SMCO4: variants seen among roughly 807,000 people sequenced by gnomAD.
SMCO4 encodes the protein single-pass membrane protein with coiled-coil domains 4, also known as single-pass membrane and coiled-coil domain-containing protein 4.
In SMCO4, 4 loss-of-function variants were observed where a neutral mutation model predicts 3.6. The observed-to-expected ratio is 1.11, with a 90% CI of 0.54 to 2.53. SMCO4 has a LOEUF of 2.53. Among genes scored for constraint, SMCO4 ranks in the 30% most tolerant of loss-of-function variants. SMCO4 has a pLI of 0.02. For synonymous variants in SMCO4, 36 were observed against 35.3 expected, an observed-to-expected ratio of 1.02 and a Z score of -0.07; for missense variants, 70 against 80.8, an observed-to-expected ratio of 0.87 and a Z score of 0.51.
At chr11:93,480,962 A>AAC (rs1257748007) in intron 2 of SMCO4, among the ~76,000 whole-genome samples, 1 of 152,244 alleles carries the variant, frequency 6.6e-6, no homozygotes, top group African/African-American at 2.4e-5. Context: ...ATCAAAAGCA[A>AAC]ACATTAAGGT....
intron 1 of SMCO4, among the ~76,000 whole-genome samples, chr11:93,501,105 C>T (rs769504027): frequency 6.6e-6 from 1 of 152,188 alleles, no homozygotes; most frequent in Non-Finnish European, 1.5e-5. Flanking sequence ...TCTCACTAGG[C>T]CTCAGTTTCT....
chr11:93,537,594 A>G (rs1949237958), intron 1 of SMCO4, among the ~76,000 whole-genome samples: 1 of 152,012 alleles, frequency 6.6e-6, no homozygotes, highest in African/African-American at 2.4e-5. Flanking sequence ...AAAGAACGAG[A>G]AAAGGGCTTT....
intron 2 of SMCO4, among the ~76,000 whole-genome samples, chr11:93,494,008 G>T (rs1948748320): frequency 6.6e-6 from 1 of 152,086 alleles, no homozygotes; most frequent in Admixed American, 6.5e-5. Context: ...TATTGATGAG[G>T]AAATTGTGAT....
chr11:93,519,871 C>T (rs1949041837), intron 1 of SMCO4, among the ~76,000 whole-genome samples: 2 of 152,138 alleles, frequency 1.3e-5, no homozygotes, highest in African/African-American at 4.8e-5. Context: ...TGAGGCTCTC[C>T]CAAGCTAAGA....
chr11:93,480,800 C>T (rs2658800), intron 2 of SMCO4, among the ~76,000 whole-genome samples: 105,601 of 152,012 alleles, frequency 0.69, 37,136 homozygotes, highest in East Asian at 0.99. Flanking sequence ...GTCTTACTGA[C>T]ACCATCCTGT....
intron 2 of SMCO4, chr11:93,481,593 G>C (rs1400225360): frequency 2.2e-6 from 2 of 908,988 alleles, no homozygotes; most frequent in Non-Finnish European, 2.6e-6. Flanking sequence ...TCACGGAAGG[G>C]AGGAAACCAA....
In SMCO4 at chr11:93,478,542, T is replaced by C. The variant is rs1948546220; in HGVS notation, c.*468A>G. 1 of 154,022 alleles carries C rather than the reference T, an allele frequency of 6.5e-6. No individual in the cohort carries two copies. Among genetic ancestry groups the C allele is most frequent in the African/African-American group, 2.4e-5 (1 of 41,524 alleles). 9.5% of individuals were successfully genotyped at this position (154,022 alleles called of 1,614,324 possible). On this transcript the variant is annotated 3_prime_UTR_variant, in exon 3 of 3. Transcript: ENST00000298966. ...TGATTCAACATATTTCAAATCACAT[T>C]AAGCACAGAGAAGAAATACAGTCCC...
At chr11:93,489,120 C>G (rs1948684884) in intron 2 of SMCO4, among the ~76,000 whole-genome samples, 2 of 152,140 alleles carry the variant, frequency 1.3e-5, no homozygotes, top group Admixed American at 1.3e-4. Flanking sequence ...TAAACAAGAG[C>G]ACAGGGAAGA....
intron 1 of SMCO4, chr11:93,535,907 C>G: frequency 1.3e-6 from 2 of 1,582,050 alleles, no homozygotes; most frequent in Non-Finnish European, 1.7e-6. Context: ...CTGGTTCCCC[C>G]ACAGTAGGTG....
intron 1 of SMCO4, among the ~76,000 whole-genome samples, chr11:93,520,361 G>A (rs1949046483): frequency 6.6e-6 from 1 of 152,042 alleles, no homozygotes; most frequent in Non-Finnish European, 1.5e-5. Context: ...TTGCATTGAG[G>A]GTTTTACATG....
chr11:93,538,966 T>C, intron 1 of SMCO4, among the ~76,000 whole-genome samples: 1 of 152,202 alleles, frequency 6.6e-6, no homozygotes, highest in East Asian at 1.9e-4. Flanking sequence ...GTCCCAACCC[T>C]GGCACAGCAT....
At chr11:93,532,003 CTGAT>C (rs1226330077) in intron 1 of SMCO4, among the ~76,000 whole-genome samples, 18 of 152,210 alleles carry the variant, frequency 1.2e-4, no homozygotes, top group Non-Finnish European at 2.5e-4. Flanking sequence ...CTTACATACA[CTGAT>C]TGTCTCATAT....
chr11:93,488,092 G>A (rs962244934), intron 2 of SMCO4, among the ~76,000 whole-genome samples: 2 of 152,186 alleles, frequency 1.3e-5, no homozygotes. Flanking sequence ...TGCTGGAGGC[G>A]CAGAGGCTGT....
At chr11:93,489,745 T>C (rs2134580112) in intron 2 of SMCO4, among the ~76,000 whole-genome samples, 2 of 152,270 alleles carry the variant, frequency 1.3e-5, no homozygotes, top group South Asian at 4.1e-4. Context: ...AAGTCATGTG[T>C]CCAAGGAGCC....
chr11:93,483,267 A>G (rs1948612312), intron 2 of SMCO4, among the ~76,000 whole-genome samples: 1 of 152,180 alleles, frequency 6.6e-6, no homozygotes, highest in Non-Finnish European at 1.5e-5. Flanking sequence ...ACCACAGAGC[A>G]CTGTCCATGC....
chr11:93,533,912 T>C (rs1284896724), intron 1 of SMCO4, among the ~76,000 whole-genome samples: 1 of 152,032 alleles, frequency 6.6e-6, no homozygotes, highest in African/African-American at 2.4e-5. Context: ...ATTAGCCAGG[T>C]GTGGTAGCTC....
At chr11:93,533,266 G>C (rs532510653) in intron 1 of SMCO4, among the ~76,000 whole-genome samples, 1 of 152,306 alleles carries the variant, frequency 6.6e-6, no homozygotes, top group East Asian at 1.9e-4. Context: ...CAGGTGACCA[G>C]GGGAATGAAA....
chr11:93,539,124 C>T (rs1949252210), intron 1 of SMCO4, among the ~76,000 whole-genome samples: 1 of 152,308 alleles, frequency 6.6e-6, no homozygotes, highest in African/African-American at 2.4e-5. Flanking sequence ...TTGGGAATAG[C>T]ATGATCAGCC....
chr11:93,552,090 A>G, the SMCO4 span, among the ~76,000 whole-genome samples: 25 of 152,098 alleles, frequency 1.6e-4, no homozygotes, highest in East Asian at 4.3e-3. Flanking sequence ...GACTTTGGAA[A>G]CACTAAAATG....
Sources: allele counts gnomAD v4.1 joint callset (sites outside exome capture counted in the v4.1 genomes callset), GRCh38; gene constraint gnomAD v4.1.1; transcripts MANE v1.5; gene names NCBI Gene and HGNC (gene_info 2026-07-23, HGNC 2026-07-21).